Variants in RORA observed in about 807,000 individuals in gnomAD.
RORA encodes the protein nuclear receptor ROR-alpha.
RORA carries 7 observed loss-of-function variants against 69.5 expected under a neutral mutation model. The observed-to-expected ratio is 0.10, with a 90% CI of 0.06 to 0.19. The LOEUF (loss-of-function observed/expected upper bound fraction) is 0.19. RORA is among the 10% of genes least tolerant of loss of function. The pLI, the probability that RORA is intolerant of heterozygous loss-of-function variation, is 1.00. For missense variants in RORA, 457 were observed against 663.0 expected (o/e 0.69, Z 3.41); for synonymous variants, 261 against 240.8 (o/e 1.08, Z -0.78).
chr15:61,091,897 T>A (rs2078713273), intron 1 of RORA, among the ~76,000 whole-genome samples: 1 of 152,240 alleles, frequency 6.6e-6, no homozygotes, highest in Non-Finnish European at 1.5e-5. Flanking sequence ...CTTTTAAACT[T>A]GTTTCTACAA....
At chr15:60,589,894 G>C (rs1429458057) in intron 2 of RORA, among the ~76,000 whole-genome samples, 1 of 152,060 alleles carries the variant, frequency 6.6e-6, no homozygotes, top group Non-Finnish European at 1.5e-5. Context: ...TTTCTGTTTT[G>C]CACGAAAAAT....
chr15:61,073,596 G>A (rs138583662), intron 1 of RORA, among the ~76,000 whole-genome samples: 110 of 152,282 alleles, frequency 7.2e-4, no homozygotes, highest in African/African-American at 2.5e-3. Context: ...AAATAGACTT[G>A]TGCAGAGTTG....
chr15:60,661,531 C>T (rs1184779513), intron 2 of RORA, among the ~76,000 whole-genome samples: 2 of 152,124 alleles, frequency 1.3e-5, no homozygotes, highest in African/African-American at 4.8e-5. Flanking sequence ...GGGATTTTCC[C>T]AGGTAGAAGC....
chr15:60,631,895 A>C (rs2069745443), intron 2 of RORA, among the ~76,000 whole-genome samples: 1 of 152,186 alleles, frequency 6.6e-6, no homozygotes, highest in South Asian at 2.1e-4. Context: ...AACACTGGCT[A>C]TCAACTCCTT....
chr15:60,615,065 G>A (rs758782904), intron 2 of RORA: 8 of 1,589,628 alleles, frequency 5.0e-6, no homozygotes, highest in Non-Finnish European at 6.9e-6. Flanking sequence ...CCCACACACA[G>A]CCCCCTTTCT....
intron 1 of RORA, among the ~76,000 whole-genome samples, chr15:60,843,796 T>C (rs1379597115): frequency 6.6e-6 from 1 of 152,204 alleles, no homozygotes; most frequent in Non-Finnish European, 1.5e-5. Flanking sequence ...GGTCCGTGAA[T>C]GTCTCTTTTT....
intron 1 of RORA, among the ~76,000 whole-genome samples, chr15:60,738,996 A>G (rs1376121594): frequency 6.6e-6 from 1 of 152,124 alleles, no homozygotes; most frequent in Non-Finnish European, 1.5e-5. Context: ...TTAGGGGCCC[A>G]CCCTACTCCA....
intron 1 of RORA, among the ~76,000 whole-genome samples, chr15:61,111,031 G>T (rs191469221): frequency 3.9e-5 from 6 of 152,198 alleles, no homozygotes; most frequent in African/African-American, 1.4e-4. Flanking sequence ...TGACTGTGCA[G>T]TGTAGACCTC....
chr15:61,203,556 T>C (rs979356914), intron 1 of RORA, among the ~76,000 whole-genome samples: 1 of 151,720 alleles, frequency 6.6e-6, no homozygotes, highest in Non-Finnish European at 1.5e-5. Context: ...GAAAAGGAGA[T>C]AAAAGATATA....
At chr15:60,942,527 C>A (rs1433891557) in intron 1 of RORA, among the ~76,000 whole-genome samples, 1 of 152,218 alleles carries the variant, frequency 6.6e-6, no homozygotes, top group African/African-American at 2.4e-5. Context: ...TTATACTTTG[C>A]TTCACATTAG....
chr15:60,906,443 G>A (rs1328341341), intron 1 of RORA, among the ~76,000 whole-genome samples: 1 of 152,190 alleles, frequency 6.6e-6, no homozygotes, highest in Non-Finnish European at 1.5e-5. Context: ...TTCAAACAGG[G>A]TCTAAAGGTC....
At chr15:60,636,622 A>G (rs2069844868) in intron 2 of RORA, among the ~76,000 whole-genome samples, 1 of 152,058 alleles carries the variant, frequency 6.6e-6, no homozygotes. Flanking sequence ...TTGTAGTTTG[A>G]TTTTTCTTAT....
intron 1 of RORA, among the ~76,000 whole-genome samples, chr15:60,996,882 C>T (rs1376019062): frequency 2.0e-5 from 3 of 151,588 alleles, no homozygotes; most frequent in African/African-American, 7.3e-5. Context: ...TGCACTCCAG[C>T]CTGGGAGACA....
chr15:61,128,571 T>C lies in RORA; in HGVS notation c.166+100482A>G, dbSNP rs1353416313. ...ACTCAGGGATACGGGGAGAGAGAAATCCTGGGGTGTGCAATCGATGTTGTC... is the reference window on the plus strand; with the variant it reads ...ACTCAGGGATACGGGGAGAGAGAAACCCTGGGGTGTGCAATCGATGTTGTC... On this transcript the variant is annotated intron_variant, in intron 1 of 10. Transcript: ENST00000335670. This position sits in a 1 kb window ranked among gnomAD's most constrained non-coding sequence, Gnocchi z 4.5. Among the ~76,000 whole-genome samples, 1 of 152,126 alleles carries C rather than the reference T, an allele frequency of 6.6e-6. No homozygotes were observed. The highest frequency in any genetic ancestry group is 1.5e-5 in the Non-Finnish European group (1 of 68,024).
chr15:61,185,585 T>C (rs1192219906), intron 1 of RORA, among the ~76,000 whole-genome samples: 2 of 152,188 alleles, frequency 1.3e-5, no homozygotes, highest in African/African-American at 4.8e-5. Context: ...AATCTTAGAT[T>C]TGTCAGTCAC....
At chr15:61,023,827 TGA>T (rs1411422778) in intron 1 of RORA, among the ~76,000 whole-genome samples, 1 of 152,220 alleles carries the variant, frequency 6.6e-6, no homozygotes, top group Non-Finnish European at 1.5e-5. Flanking sequence ...TCACATGGGA[TGA>T]GAGACCTTAT....
In RORA at chr15:60,580,813, G is replaced by A. The variant is rs528563532; in HGVS notation, c.197-48962C>T. On this transcript the variant is annotated intron_variant, in intron 2 of 10. Coordinates refer to ENST00000335670, the MANE Select transcript of RORA (RefSeq NM_134261.3). Reference sequence around the variant, plus strand: ...GTCACTGGTGGAGTAAGCTGTGATCGCTTTGATGTTGAACTTCTAGACTTT... The same window carrying A: ...GTCACTGGTGGAGTAAGCTGTGATCACTTTGATGTTGAACTTCTAGACTTT... Among the ~76,000 whole-genome samples the A allele has an allele frequency of 1.2e-4, 18 of 152,256 alleles. No individual in the cohort carries two copies. The South Asian group carries it at 1.7e-3, about 14-fold the overall frequency.
chr15:60,534,063 G>A lies in RORA; in HGVS notation c.197-2212C>T, dbSNP rs1299175392. On this transcript the variant is annotated intron_variant, in intron 2 of 10. Transcript: ENST00000335670. This position sits in a 1 kb window ranked among gnomAD's most constrained non-coding sequence, Gnocchi z 5.0. ...CAGGGCATATTGAGAACAATGAGTA[G>A]AACTGCATCTGGACAAACTGAAAAT... 6.6e-6 allele frequency among the ~76,000 whole-genome samples: 1 copy of A among 152,212 alleles called. No individual in the cohort carries two copies. The highest frequency in any genetic ancestry group is 1.5e-5 in the Non-Finnish European group (1 of 68,028).
At chr15:61,216,980 G>A (rs1164422920) in intron 1 of RORA, among the ~76,000 whole-genome samples, 1 of 152,126 alleles carries the variant, frequency 6.6e-6, no homozygotes, top group Admixed American at 6.5e-5. Flanking sequence ...AGGCCTGATC[G>A]TGCAATTGAG....
Sources: gnomAD v4.1 joint callset for allele counts (sites outside exome capture counted in the v4.1 genomes callset) on GRCh38, gnomAD v4.1.1 for gene constraint, Gnocchi (gnomAD v3.1) non-coding constraint, MANE v1.5 for transcripts, NCBI Gene and HGNC (gene_info 2026-07-23, HGNC 2026-07-21) for gene names.